The following HDAC4 variants were observed in gnomAD, a reference collection of about 807,000 sequenced individuals.
HDAC4 encodes the protein histone deacetylase 4.
In HDAC4, 16 loss-of-function variants were observed where a neutral mutation model predicts 135.1. The ratio of observed to expected loss-of-function variants is 0.12; its 90% CI spans 0.08 to 0.18. The LOEUF is 0.18. HDAC4 is among the 10% of genes least tolerant of loss of function. HDAC4 has a pLI of 1.00. For synonymous variants in HDAC4, 685 were observed against 653.4 expected, an observed-to-expected ratio of 1.05 and a Z score of -0.74; for missense variants, 1,143 against 1,511.8, an observed-to-expected ratio of 0.76 and a Z score of 4.05.
intron 1 of HDAC4, among the ~76,000 whole-genome samples, chr2:239,394,736 C>T (rs1407390389): frequency 1.3e-5 from 2 of 152,268 alleles, no homozygotes; most frequent in African/African-American, 4.8e-5. Flanking sequence ...GGTGGGGCCT[C>T]ACCCCAGCTC....
intron 1 of HDAC4, among the ~76,000 whole-genome samples, chr2:239,376,155 ATCC>A (rs1694989468): frequency 1.4e-5 from 2 of 145,228 alleles, no homozygotes; most frequent in Non-Finnish European, 1.5e-5. Context: ...ACCCTCCACC[ATCC>A]AAACACCAAG....
chr2:239,239,743 A>G (rs1275001493), intron 2 of HDAC4, among the ~76,000 whole-genome samples: 1 of 152,204 alleles, frequency 6.6e-6, no homozygotes, highest in Non-Finnish European at 1.5e-5. Flanking sequence ...CCATGTTCAC[A>G]TCTTTGTAGA....
intron 2 of HDAC4, among the ~76,000 whole-genome samples, chr2:239,287,246 C>T (rs1380614633): frequency 2.0e-5 from 3 of 152,230 alleles, no homozygotes; most frequent in Non-Finnish European, 2.9e-5. Context: ...CTTCCTTTAT[C>T]CTCCTGACTC....
chr2:239,302,925 G>A (rs2052353018), intron 2 of HDAC4, among the ~76,000 whole-genome samples: 4 of 152,230 alleles, frequency 2.6e-5, no homozygotes, highest in Non-Finnish European at 4.4e-5. Context: ...CCCCAAGCAG[G>A]GGGCCACACA....
intron 2 of HDAC4, among the ~76,000 whole-genome samples, chr2:239,279,668 T>C (rs978256407): frequency 5.9e-5 from 9 of 152,012 alleles, no homozygotes; most frequent in African/African-American, 2.2e-4. Flanking sequence ...CCACAGTGCC[T>C]CCCACAAATG....
Position 239,052,732 on chromosome 2 carries a change from T to G in HDAC4, c.*365A>C. Reference sequence around the variant, plus strand: ...TGTATTATTAGATCTTTGATATTTGTTTTCTGTGCCTCGTGTCAACTGAAT... The same window carrying G: ...TGTATTATTAGATCTTTGATATTTGGTTTCTGTGCCTCGTGTCAACTGAAT... On this transcript the variant is annotated 3_prime_UTR_variant, in exon 27 of 27. Coordinates refer to ENST00000543185, the MANE Select transcript of HDAC4 (RefSeq NM_001378414.1). 1 of 326,924 alleles carries G rather than the reference T, an allele frequency of 3.1e-6. No homozygotes were observed. Among genetic ancestry groups the G allele is most frequent in the Non-Finnish European group, 5.8e-6 (1 of 173,352 alleles). The allele number at this position is 326,924 out of a possible 1,614,324, so 20.3% of individuals were successfully genotyped here.
At chr2:239,140,426 G>A (rs984243520) in intron 8 of HDAC4, among the ~76,000 whole-genome samples, 14 of 152,144 alleles carry the variant, frequency 9.2e-5, no homozygotes, top group African/African-American at 2.7e-4. Context: ...AAGGGGCCAC[G>A]TCCAATCCAA....
chr2:239,161,736 A>C (rs1425924506), intron 6 of HDAC4: 3 of 392,866 alleles, frequency 7.6e-6, no homozygotes, highest in African/African-American at 6.3e-5. Flanking sequence ...TGTCCAGGCC[A>C]AGACACTCAC....
intron 2 of HDAC4, among the ~76,000 whole-genome samples, chr2:239,263,150 CCTT>C (rs111785025): frequency 6.6e-4 from 101 of 152,322 alleles, no homozygotes; most frequent in African/African-American, 2.4e-3. Context: ...ACACTACCCT[CCTT>C]CATGTCTGCT....
intron 2 of HDAC4, among the ~76,000 whole-genome samples, chr2:239,274,815 C>T (rs776931090): frequency 6.6e-6 from 1 of 152,186 alleles, no homozygotes; most frequent in Non-Finnish European, 1.5e-5. Context: ...CTTCCCTAGG[C>T]CTGGCCTGGC....
intron 2 of HDAC4, among the ~76,000 whole-genome samples, chr2:239,239,147 C>T (rs1033709360): frequency 1.2e-4 from 18 of 152,194 alleles, no homozygotes; most frequent in African/African-American, 4.3e-4. Context: ...GCACACACGC[C>T]ACAGGGGCTC....
In HDAC4 at chr2:239,269,336, T is replaced by C. The variant is rs538095248; in HGVS notation, c.23-32672A>G. On this transcript the variant is annotated intron_variant, in intron 2 of 26. Coordinates refer to ENST00000543185, the MANE Select transcript of HDAC4 (RefSeq NM_001378414.1). ...ACCCACACACATTCACACACCCACATACATTCACACATCTACATACACGTG... is the reference window on the plus strand; with the variant it reads ...ACCCACACACATTCACACACCCACACACATTCACACATCTACATACACGTG... Among the ~76,000 whole-genome samples, 35 of 151,052 alleles carry C rather than the reference T, an allele frequency of 2.3e-4. 2 individuals carry two copies. The South Asian group carries it at 5.3e-3, about 23-fold the overall frequency.
At chr2:239,161,412 T>C (rs907902438) in intron 6 of HDAC4, among the ~76,000 whole-genome samples, 4 of 152,168 alleles carry the variant, frequency 2.6e-5, no homozygotes, top group African/African-American at 9.7e-5. Flanking sequence ...TCCTTCCAGT[T>C]TGATCAGTTT....
At chr2:239,336,505 C>T (rs1691949215) in intron 2 of HDAC4, among the ~76,000 whole-genome samples, 1 of 152,104 alleles carries the variant, frequency 6.6e-6, no homozygotes. Context: ...CACATCCATG[C>T]ACAACCATAA....
In HDAC4 at chr2:239,126,599, G is replaced by A. The variant is rs2152851791; in HGVS notation, c.1390C>T (p.His464Tyr). 6.2e-7 allele frequency: 1 copy of A among 1,613,854 alleles called. No individual in the cohort carries two copies. Among genetic ancestry groups the A allele is most frequent in the Non-Finnish European group, 8.5e-7 (1 of 1,180,000 alleles). The part of the protein sequence containing the change: ...VSPSIHKLRQ[H>Y]RPLGRTQSAP... ...GACTGGGTCCGCCCCAGTGGGCGGT[G>A]CTGCCGCAGCTTGTGGATGGAGGGG... Residue 464 changes from histidine to tyrosine, a missense_variant, in exon 12 of 27, where the codon CAC (histidine) becomes TAC (tyrosine). Physicochemically the swap from His to Tyr is moderately conservative, Grantham distance 83 (BLOSUM62 2). Around this residue, in one of 9 missense-constraint regions of HDAC4, gnomAD observed 272 missense variants for 309.7 expected, o/e 0.88. Coordinates refer to ENST00000543185, the MANE Select transcript of HDAC4 (RefSeq NM_001378414.1).
At chr2:239,396,139 A>ATTTTTT (rs557713979) in intron 1 of HDAC4, among the ~76,000 whole-genome samples, 1 of 138,748 alleles carries the variant, frequency 7.2e-6, no homozygotes. Flanking sequence ...GTCATGCCTG[A>ATTTTTT]TTTTTTTTTT....
At chr2:239,147,857 C>G (rs2041864427) in intron 7 of HDAC4, among the ~76,000 whole-genome samples, 1 of 152,246 alleles carries the variant, frequency 6.6e-6, no homozygotes, top group African/African-American at 2.4e-5. Context: ...TGCCCAATGC[C>G]TAGCAGGTGC....
chr2:239,234,892 G>GA (rs1225549140), intron 3 of HDAC4, among the ~76,000 whole-genome samples: 2 of 152,162 alleles, frequency 1.3e-5, no homozygotes, highest in Non-Finnish European at 2.9e-5. Context: ...CAAGCTATCA[G>GA]AAAATCCTCT....
chr2:239,358,277 G>T (rs1332121839), intron 1 of HDAC4, among the ~76,000 whole-genome samples: 2 of 152,218 alleles, frequency 1.3e-5, no homozygotes, highest in Non-Finnish European at 2.9e-5. Context: ...CTCACAGATA[G>T]TTACGTTATC....
Sources: allele counts gnomAD v4.1 joint callset (sites outside exome capture counted in the v4.1 genomes callset), GRCh38; gene constraint gnomAD v4.1.1; regional missense constraint gnomAD v4.1.1; transcripts MANE v1.5; gene names NCBI Gene and HGNC (gene_info 2026-07-23, HGNC 2026-07-21).